The following DNAL1 variants were observed in gnomAD, a reference collection of about 807,000 sequenced individuals.
DNAL1 encodes the protein dynein axonemal light chain 1.
In DNAL1, 17 loss-of-function variants were observed where a neutral mutation model predicts 29.4. The ratio of observed to expected loss-of-function variants is 0.58; its 90% CI spans 0.40 to 0.87. The LOEUF (loss-of-function observed/expected upper bound fraction) is 0.87, where lower values mean the gene tolerates loss of function less well. Ranked by LOEUF, DNAL1 falls within the 40% of genes least tolerant of loss-of-function variation. The pLI, the probability that DNAL1 is intolerant of heterozygous loss-of-function variation, is 0.00. For synonymous variants in DNAL1, 78 were observed against 76.3 expected (o/e 1.02, Z -0.12); for missense variants, 188 against 214.1 (o/e 0.88, Z 0.76).
intron 7 of DNAL1, among the ~76,000 whole-genome samples, chr14:73,692,099 G>T (rs1285869502): frequency 6.6e-6 from 1 of 151,180 alleles, no homozygotes; most frequent in African/African-American, 2.4e-5. Context: ...CCAAGTTCAA[G>T]TGGTTCTCCT....
intron 5 of DNAL1, among the ~76,000 whole-genome samples, chr14:73,675,962 C>T (rs1384174674): frequency 2.6e-5 from 4 of 151,900 alleles, no homozygotes; most frequent in Non-Finnish European, 4.4e-5. Context: ...ATGCAGGAGC[C>T]GAGATTGCGC....
chr14:73,681,391 T>C (rs1891870938), intron 5 of DNAL1, among the ~76,000 whole-genome samples: 1 of 151,146 alleles, frequency 6.6e-6, no homozygotes, highest in Non-Finnish European at 1.5e-5. Context: ...CGATTCGGCC[T>C]CCCAAAGTGC....
At chr14:73,690,855 T>C (rs970450744) in intron 7 of DNAL1, among the ~76,000 whole-genome samples, 22 of 152,230 alleles carry the variant, frequency 1.4e-4, no homozygotes, top group Non-Finnish European at 2.9e-4. Context: ...TCAAAAATTA[T>C]TCTGATTCTG....
Position 73,701,720 on chromosome 14 carries a change from A to G in DNAL1, c.*5778A>G, listed in dbSNP as rs941592498. 12 of 152,248 alleles carry G rather than the reference A, an allele frequency of 7.9e-5. No individual in the cohort carries two copies. The highest frequency in any genetic ancestry group is 1.2e-4 in the Non-Finnish European group (8 of 68,048). 9.4% of individuals were successfully genotyped at this position (152,248 alleles called of 1,614,324 possible). ...CAGCTCCTCTCCCAGGCTGGCAGTC[A>G]TGATTACGAGCATCATTCCAGAATC... is the stretch of plus-strand genomic sequence containing the variant. On this transcript the variant is annotated 3_prime_UTR_variant, in exon 8 of 8. Coordinates refer to ENST00000553645, the MANE Select transcript of DNAL1 (RefSeq NM_031427.4).
chr14:73,699,882 A>G lies in DNAL1; in HGVS notation c.*3940A>G, dbSNP rs967677095. On this transcript the variant is annotated 3_prime_UTR_variant, in exon 8 of 8. Coordinates refer to ENST00000553645, the MANE Select transcript of DNAL1 (RefSeq NM_031427.4). ...GTCTAATCACATAATTTTGCAGACC[A>G]TGGCAGTCATTAAATACAGAAAAAT... 1.3e-5 allele frequency: 2 copies of G among 152,250 alleles called. No individual in the cohort carries two copies. Among genetic ancestry groups the G allele is most frequent in the African/African-American group, 4.8e-5 (2 of 41,464 alleles). The allele number at this position is 152,250 out of a possible 1,614,324, so 9.4% of individuals were successfully genotyped here.
chr14:73,668,684 C>CT lies in DNAL1; in HGVS notation c.209-2848dup, dbSNP rs373557372. On this transcript the variant is annotated intron_variant, in intron 4 of 7. Coordinates refer to ENST00000553645, the MANE Select transcript of DNAL1 (RefSeq NM_031427.4). ...AGATGGCCGTCTTCTCCCTCTGTCT[C>CT]TTTTTTTTTTGAGACAGAGCCTTGC... Among the ~76,000 whole-genome samples the CT allele has an allele frequency of 8.7e-3, 1,281 of 147,914 alleles. 23 individuals are homozygous for CT. The highest frequency in any genetic ancestry group is 0.028 in the African/African-American group (1,150 of 40,464).
chr14:73,692,255 G>A (rs1892193923), intron 7 of DNAL1, among the ~76,000 whole-genome samples: 2 of 152,164 alleles, frequency 1.3e-5, no homozygotes, highest in Admixed American at 1.3e-4. Context: ...GCCGAGGTGG[G>A]TGGATCACCT....
At chr14:73,678,834 CCT>C (rs1242452610) in intron 5 of DNAL1, among the ~76,000 whole-genome samples, 2 of 151,882 alleles carry the variant, frequency 1.3e-5, no homozygotes, top group African/African-American at 4.8e-5. Flanking sequence ...GTGGAACTTC[CCT>C]CTGTGTGTTG....
At chr14:73,667,672 T>C (rs566713569) in intron 4 of DNAL1, among the ~76,000 whole-genome samples, 28 of 152,244 alleles carry the variant, frequency 1.8e-4, no homozygotes, top group African/African-American at 5.5e-4. Flanking sequence ...TAATTTTTTT[T>C]TGGTATTTTT....
intron 7 of DNAL1, among the ~76,000 whole-genome samples, chr14:73,691,845 C>CA (rs1892178771): frequency 1.0e-5 from 1 of 96,282 alleles, no homozygotes; most frequent in Non-Finnish European, 2.3e-5. Context: ...AGGCGTGCGC[C>CA]ACCCCCCCCC....
rs934537766 is a variant in DNAL1, at chr14:73,701,961, A to C, written c.*6019A>C. On this transcript the variant is annotated 3_prime_UTR_variant, in exon 8 of 8. Coordinates refer to ENST00000553645, the MANE Select transcript of DNAL1 (RefSeq NM_031427.4). ...TTATTTTGTAAAAAAAAAAAAAAGT[A>C]TATTTTTGGTACATGATTATTAGTT... The C allele has an allele frequency of 5.3e-5, 8 of 151,614 alleles. No individual in the cohort carries two copies. The allele number at this position is 151,614 out of a possible 1,614,324, so 9.4% of individuals were successfully genotyped here. A position where few individuals can be genotyped will look rare whatever the true frequency, so the allele number is the denominator to read the frequency against.
chr14:73,675,944 G>A (rs1891721140), intron 5 of DNAL1, among the ~76,000 whole-genome samples: 1 of 152,166 alleles, frequency 6.6e-6, no homozygotes, highest in South Asian at 2.1e-4. Context: ...GAATCCAGGA[G>A]GCAGAGGATG....
intron 1 of DNAL1, among the ~76,000 whole-genome samples, chr14:73,645,715 G>A (rs993387472): frequency 1.1e-4 from 17 of 152,178 alleles, no homozygotes; most frequent in African/African-American, 4.1e-4. Flanking sequence ...ACTGAGAAAT[G>A]CTGTTGCCTT....
Position 73,700,530 on chromosome 14 carries a change from A to G in DNAL1, c.*4588A>G, listed in dbSNP as rs1892410271. The G allele has an allele frequency of 6.6e-6, 1 of 152,200 alleles. No homozygotes were observed. The allele number at this position is 152,200 out of a possible 1,614,324, so 9.4% of individuals were successfully genotyped here. Reference sequence around the variant, plus strand: ...TGTGTAAAGAGAGTTGGAATCTTCTACCTGGGTTTTTCTCAGGGCTAAATG... The same window carrying G: ...TGTGTAAAGAGAGTTGGAATCTTCTGCCTGGGTTTTTCTCAGGGCTAAATG... On this transcript the variant is annotated 3_prime_UTR_variant, in exon 8 of 8. Transcript: ENST00000553645.
intron 4 of DNAL1, among the ~76,000 whole-genome samples, chr14:73,662,791 T>C (rs148872674): frequency 3.4e-3 from 507 of 150,198 alleles, no homozygotes; most frequent in Non-Finnish European, 5.4e-3. Context: ...AGATCCTTAA[T>C]CATATCTGCA....
intron 1 of DNAL1, among the ~76,000 whole-genome samples, chr14:73,652,576 C>T (rs530224549): frequency 6.6e-6 from 1 of 152,208 alleles, no homozygotes; most frequent in African/African-American, 2.4e-5. Flanking sequence ...ATGCCTGGCT[C>T]ATTTTATATT....
Position 73,661,967 on chromosome 14 carries a change from T to G in DNAL1, c.153-20T>G, listed in dbSNP as rs767415680. Reference sequence around the variant, plus strand: ...CCATTTACATTTTTCACATTAAATTTTTTCTTTGTTCTTTTAAAGGAAGCT... The same window carrying G: ...CCATTTACATTTTTCACATTAAATTGTTTCTTTGTTCTTTTAAAGGAAGCT... On this transcript the variant is annotated intron_variant, in intron 3 of 7. Coordinates refer to ENST00000553645, the MANE Select transcript of DNAL1 (RefSeq NM_031427.4). 44 of 1,525,804 alleles carry G rather than the reference T, an allele frequency of 2.9e-5. No individual in the cohort carries two copies. The highest frequency in any genetic ancestry group is 3.7e-5 in the Non-Finnish European group (42 of 1,132,574). 94.5% of individuals were successfully genotyped at this position (1,525,804 alleles called of 1,614,324 possible). A position where few individuals can be genotyped will look rare whatever the true frequency, so the allele number is the denominator to read the frequency against.
In DNAL1 at chr14:73,663,137, G is replaced by T. The variant is rs142896318; in HGVS notation, c.208+1095G>T. Among the ~76,000 whole-genome samples the T allele has an allele frequency of 3.9e-3, 587 of 150,696 alleles. 4 individuals are homozygous for T. The highest frequency in any genetic ancestry group is 0.014 in the African/African-American group (557 of 40,958). On this transcript the variant is annotated intron_variant, in intron 4 of 7. Coordinates refer to ENST00000553645, the MANE Select transcript of DNAL1 (RefSeq NM_031427.4). ...ATGAATATGCATATCAAATATATAC[G>T]TACATATAAACTTGAATAAAGTTTG...
Position 73,702,471 on chromosome 14 carries a change from T to C in DNAL1, c.*6529T>C, listed in dbSNP as rs150500312. On this transcript the variant is annotated 3_prime_UTR_variant, in exon 8 of 8. Coordinates refer to ENST00000553645, the MANE Select transcript of DNAL1 (RefSeq NM_031427.4). ...TCATTTCTTTAGCTAAGTTTTTTTT[T>C]CTTAGTAGGTTTTTTTCTCCCAGGC... 5.5e-4 allele frequency: 84 copies of C among 152,196 alleles called. No individual in the cohort carries two copies. The highest frequency in any genetic ancestry group is 1.9e-3 in the African/African-American group (78 of 41,514). 9.4% of individuals were successfully genotyped at this position (152,196 alleles called of 1,614,324 possible).
Sources: gnomAD v4.1 joint callset for allele counts (sites outside exome capture counted in the v4.1 genomes callset) on GRCh38, gnomAD v4.1.1 for gene constraint, MANE v1.5 for transcripts, NCBI Gene and HGNC (gene_info 2026-07-23, HGNC 2026-07-21) for gene names.